Variants in TNMD observed in about 807,000 individuals in gnomAD.
The protein encoded by TNMD is tenomodulin, also known as BRICHOS domain containing 4.
In TNMD, 15 loss-of-function variants were observed where a neutral mutation model predicts 26.9. The observed-to-expected ratio is 0.56, with a 90% confidence interval of 0.37 to 0.86. The LOEUF (loss-of-function observed/expected upper bound fraction) is 0.86. Among genes scored for constraint, TNMD ranks in the 40% least tolerant of loss-of-function variants. The pLI, the probability that TNMD is intolerant of heterozygous loss-of-function variation, is 0.00. For synonymous variants in TNMD, 73 were observed against 77.0 expected, an observed-to-expected ratio of 0.95 and a Z score of 0.27; for missense variants, 222 against 242.6, an observed-to-expected ratio of 0.92 and a Z score of 0.56.
chrX:100,596,283 G>A (rs905039962), intron 4 of TNMD, among the ~76,000 whole-genome samples: 7 of 112,131 alleles, frequency 6.2e-5, no homozygotes, highest in African/African-American at 1.9e-4. Flanking sequence ...TCAGTAAGCC[G>A]AGTTTGCGCC....
chrX:100,598,889 C>T (rs1370836806), intron 5 of TNMD, 127 bp from the exon 6 acceptor site: 2 of 487,047 alleles, frequency 4.1e-6, no homozygotes, highest in Non-Finnish European at 3.2e-6. Flanking sequence ...AAAAGTGGTC[C>T]ATGCCTAAAT....
intron 4 of TNMD, among the ~76,000 whole-genome samples, chrX:100,596,210 T>C (rs1045123388): frequency 1.3e-4 from 15 of 111,834 alleles, no homozygotes; most frequent in African/African-American, 4.2e-4. Context: ...GGCGTGTGCC[T>C]GTAATCCCAG....
chrX:100,593,236 C>CA, intron 2 of TNMD: 1 of 543,913 alleles, frequency 1.8e-6, no homozygotes, highest in Non-Finnish European at 2.2e-6. Context: ...GGCTTAATTC[C>CA]ATATACACAA....
rs757051341 is a variant in TNMD, at chrX:100,593,951, G to A, written c.237G>A (p.Met79Ile). Residue 79 changes from methionine to isoleucine, a missense_variant, in exon 3 of 7, where the codon ATG becomes ATA. Transcript: ENST00000373031. ...ATGGAGAGAAGAAGAAGATTTACAT[G>A]GAAATTGATCCTGTGACCAGAACTG... The part of the protein sequence containing the change: ...YSNGEKKKIY[M>I]EIDPVTRTEI... 3 of 1,210,058 alleles carry A rather than the reference G, an allele frequency of 2.5e-6. No homozygotes were observed. In the Admixed American group the frequency reaches 6.5e-5, roughly 26 times the overall value.
intron 2 of TNMD, among the ~76,000 whole-genome samples, chrX:100,590,807 C>T (rs1480518990): frequency 8.9e-6 from 1 of 111,807 alleles, no homozygotes; most frequent in Non-Finnish European, 1.9e-5. Context: ...CAAATATCTC[C>T]CATTCCTCGT....
At chrX:100,595,068 G>C (rs1392994980) in intron 4 of TNMD, among the ~76,000 whole-genome samples, 1 of 111,861 alleles carries the variant, frequency 8.9e-6, no homozygotes, top group Non-Finnish European at 1.9e-5. Flanking sequence ...TAAGGCCCTT[G>C]AGGCTCTTTA....
intron 2 of TNMD, 26 bp downstream of exon 2, chrX:100,585,388 AT>A (rs1357254187): frequency 1.7e-6 from 2 of 1,187,291 alleles, no homozygotes; most frequent in Admixed American, 4.6e-5. Context: ...TCATAATCTG[AT>A]GCTTCTGTTC....
chrX:100,599,541 G>A lies in TNMD; in HGVS notation c.778G>A (p.Asp260Asn). The change falls in exon 7 of 7, where the codon GAT (aspartate) becomes AAT (asparagine). Residue 260 changes from aspartate (D) to asparagine (N), a missense_variant. Asp to Asn is a conservative substitution (Grantham distance 23, BLOSUM62 1). Transcript: ENST00000373031. Reference sequence around the variant, plus strand: ...TGGAATAGAATTTGATCCCATGCTGGATGAGAGAGGTTATTGTTGTATTTA... The same window carrying A: ...TGGAATAGAATTTGATCCCATGCTGAATGAGAGAGGTTATTGTTGTATTTA... ...ENGIEFDPML[D>N]ERGYCCIYCR... The A allele has an allele frequency of 8.3e-7, 1 of 1,210,012 alleles. No homozygotes were observed. Among genetic ancestry groups the A allele is most frequent in the South Asian group, 1.8e-5 (1 of 56,561 alleles).
intron 6 of TNMD, 121 bp downstream of exon 6, chrX:100,599,303 AAT>A: frequency 1.6e-6 from 1 of 644,580 alleles, no homozygotes; most frequent in Non-Finnish European, 2.3e-6. Flanking sequence ...AAAAAAAAAA[AAT>A]GTTTAAGAAA....
At chrX:100,593,134 GGTTTT>G (rs754837584) in intron 2 of TNMD, among the ~76,000 whole-genome samples, 8 of 111,658 alleles carry the variant, frequency 7.2e-5, no homozygotes, top group Non-Finnish European at 1.5e-4. Context: ...GAAAATCTGG[GGTTTT>G]GTTTTAGCCA....
intron 2 of TNMD, chrX:100,593,402 G>A (rs2082943550): frequency 8.0e-6 from 6 of 746,965 alleles, no homozygotes; most frequent in Non-Finnish European, 9.5e-6. Flanking sequence ...AACAGAGCAG[G>A]GTAGGGCTCT....
At chrX:100,594,916 T>C (rs1053730153) in intron 4 of TNMD, among the ~76,000 whole-genome samples, 2 of 111,835 alleles carry the variant, frequency 1.8e-5, no homozygotes, top group Admixed American at 1.9e-4. Flanking sequence ...GCAAAGAAGG[T>C]GAACACTGCA....
intron 2 of TNMD, chrX:100,593,318 T>C: frequency 1.3e-6 from 1 of 750,849 alleles, no homozygotes; most frequent in East Asian, 1.5e-4. Context: ...CTGGGTGGGG[T>C]TGGTTGCCGT....
Position 100,599,067 on chromosome X carries a change from C to A in TNMD, c.629C>A (p.Ala210Asp), listed in dbSNP as rs752123109. Residue 210 changes from alanine (A) to aspartate (D), a missense_variant, in exon 6 of 7, where the codon GCC becomes GAC. Physicochemically the swap from Ala to Asp is moderately radical, Grantham distance 126. Transcript: ENST00000373031. Reference sequence around the variant, plus strand: ...GAGGGAGAAGATCTTCACTTTCCTGCCAACGAAAAAAAAGGGATTGAACAA... The same window carrying A: ...GAGGGAGAAGATCTTCACTTTCCTGACAACGAAAAAAAAGGGATTGAACAA... ...EEEGEDLHFP[A>D]NEKKGIEQNE... is the part of the protein sequence containing the mutation. 1 of 1,204,623 alleles carries A rather than the reference C, an allele frequency of 8.3e-7. No homozygotes were observed. The highest frequency in any genetic ancestry group is 1.8e-5 in the South Asian group (1 of 55,444).
In TNMD at chrX:100,591,289, C is replaced by G. The variant is rs755752857; in HGVS notation, c.181-2606C>G. On this transcript the variant is annotated intron_variant, in intron 2 of 6. Coordinates refer to ENST00000373031, the MANE Select transcript of TNMD (RefSeq NM_022144.3). ...GCTGAGATGAGCTACTTGTAGCCCA[C>G]TCACACCTCTCTTCAGGCCAGTCAT... Among the ~76,000 whole-genome samples, 4 of 111,952 alleles carry G rather than the reference C, an allele frequency of 3.6e-5. No homozygotes were observed. In the East Asian group the frequency reaches 8.5e-4, roughly 24 times the overall value.
chrX:100,588,168 A>T (rs780936704), intron 2 of TNMD, among the ~76,000 whole-genome samples: 2 of 110,527 alleles, frequency 1.8e-5, no homozygotes, highest in African/African-American at 3.3e-5. Context: ...CCTTCTCCTC[A>T]CTCCCGCTTT....
At chrX:100,586,286 A>T (rs1184521922) in intron 2 of TNMD, among the ~76,000 whole-genome samples, 2 of 112,048 alleles carry the variant, frequency 1.8e-5, no homozygotes. Flanking sequence ...TATTGTTATT[A>T]CTGTTGTTAA....
At chrX:100,598,509 A>C (rs749212508) in intron 5 of TNMD, among the ~76,000 whole-genome samples, 1 of 111,988 alleles carries the variant, frequency 8.9e-6, no homozygotes, top group Non-Finnish European at 1.9e-5. Flanking sequence ...TGGTTATGTG[A>C]GGTAACATTA....
rs750312969 is a variant in TNMD at position 100,597,575 on chromosome X, C to A, written c.495C>A (p.Asn165Lys). 1 of 1,210,798 alleles carries A rather than the reference C, an allele frequency of 8.3e-7. No individual in the cohort carries two copies. Among genetic ancestry groups the A allele is most frequent in the Admixed American group, 2.2e-5 (1 of 46,019 alleles). The change falls in exon 5 of 7, where the codon AAC becomes AAA. Residue 165 changes from asparagine to lysine, a missense_variant. Coordinates refer to ENST00000373031, the MANE Select transcript of TNMD (RefSeq NM_022144.3). The stretch of plus-strand genomic sequence containing the variant: ...TCCCAGCAGAAAAGCCTATTGAAAA[C>A]CGAGATTTTCTTAAAAATTCCAAAA... ...IWVPAEKPIE[N>K]RDFLKNSKIL...
Sources: gnomAD v4.1 joint callset for allele counts (sites outside exome capture counted in the v4.1 genomes callset) on GRCh38, gnomAD v4.1.1 for gene constraint, MANE v1.5 for transcripts, NCBI Gene and HGNC (gene_info 2026-07-23, HGNC 2026-07-21) for gene names.